TOM1: variants seen among roughly 807,000 people sequenced by gnomAD.
TOM1 encodes target of Myb protein 1.
In TOM1, 38 loss-of-function variants were observed where a neutral mutation model predicts 61.3. That is an observed-to-expected ratio of 0.62 (90% CI 0.48 to 0.81). The LOEUF is 0.81. Ranked by LOEUF, TOM1 falls within the 40% of genes least tolerant of loss-of-function variation. The pLI, the probability that TOM1 is intolerant of heterozygous loss-of-function variation, is 0.00. For missense variants in TOM1, 591 were observed against 659.6 expected, an observed-to-expected ratio of 0.90 and a Z score of 1.14; for synonymous variants, 270 against 268.8, an observed-to-expected ratio of 1.00 and a Z score of -0.04.
At chr22:35,341,091 C>T (rs1263351095) in intron 12 of TOM1, among the ~76,000 whole-genome samples, 1 of 152,236 alleles carries the variant, frequency 6.6e-6, no homozygotes, top group Admixed American at 6.5e-5. Context: ...CGGGTGTAAG[C>T]CATCATTTGC....
chr22:35,323,507 C>A lies in TOM1; in HGVS notation c.378C>A (p.Asp126Glu). The change falls in exon 5 of 15, where the codon GAC (aspartate) becomes GAA (glutamate). Residue 126 changes from aspartate to glutamate, a missense_variant. Transcript: ENST00000449058. This position sits in a 1 kb window ranked among gnomAD's most constrained non-coding sequence, Gnocchi z 4.2. ...KVLNLIQSWADAFRSSPDLTG... is the reference protein window; with the variant it reads ...KVLNLIQSWAEAFRSSPDLTG... ...TTGTCCCCTCTCAGTCCTGGGCTGA[C>A]GCGTTCCGCAGCTCGCCCGATCTGA... The A allele has an allele frequency of 6.2e-7, 1 of 1,614,116 alleles. No individual in the cohort carries two copies. Among genetic ancestry groups the A allele is most frequent in the Non-Finnish European group, 8.5e-7 (1 of 1,180,016 alleles).
At chr22:35,302,600 G>T (rs144462322) in intron 1 of TOM1, among the ~76,000 whole-genome samples, 2,139 of 152,006 alleles carry the variant, frequency 0.014, 20 homozygotes, top group Non-Finnish European at 0.022. Flanking sequence ...CCAAAGTACT[G>T]GGATTACAGG....
intron 2 of TOM1, among the ~76,000 whole-genome samples, chr22:35,320,497 G>C (rs539501722): frequency 9.2e-5 from 14 of 152,086 alleles, no homozygotes; most frequent in African/African-American, 3.1e-4. Context: ...CACACTCAGT[G>C]TGGCCTCCTC....
intron 7 of TOM1, among the ~76,000 whole-genome samples, chr22:35,329,260 T>C (rs945364975): frequency 6.6e-5 from 10 of 152,232 alleles, no homozygotes; most frequent in Non-Finnish European, 1.3e-4. Flanking sequence ...GTAGCCATTT[T>C]TTTTATTTTT....
chr22:35,308,082 G>A (rs1926485277), intron 1 of TOM1, among the ~76,000 whole-genome samples: 1 of 152,096 alleles, frequency 6.6e-6, no homozygotes, highest in African/African-American at 2.4e-5. Context: ...TGGCCAGCAG[G>A]CTCCCCTTGT....
chr22:35,344,016 C>G (rs780621838), intron 12 of TOM1, among the ~76,000 whole-genome samples: 29 of 150,312 alleles, frequency 1.9e-4, no homozygotes, highest in Non-Finnish European at 3.7e-4. Flanking sequence ...CACCTACACA[C>G]ACACCTACAC....
chr22:35,312,118 G>A (rs986874634), intron 1 of TOM1, among the ~76,000 whole-genome samples: 1 of 151,952 alleles, frequency 6.6e-6, no homozygotes, highest in Non-Finnish European at 1.5e-5. Flanking sequence ...TTAGGCGGGC[G>A]CCTGTAATCC....
At chr22:35,325,094 G>A (rs995258972) in intron 6 of TOM1, among the ~76,000 whole-genome samples, 1 of 152,228 alleles carries the variant, frequency 6.6e-6, no homozygotes, top group Non-Finnish European at 1.5e-5. Context: ...TTTGGCTGCT[G>A]GGGTGGGGGC....
chr22:35,319,213 C>T (rs755709789), intron 2 of TOM1, among the ~76,000 whole-genome samples: 4 of 152,148 alleles, frequency 2.6e-5, no homozygotes, highest in Non-Finnish European at 5.9e-5. Context: ...CAAGTCACTG[C>T]AGTATCCTTG....
intron 3 of TOM1, among the ~76,000 whole-genome samples, 189 bp from the exon 4 acceptor site, chr22:35,322,839 C>G (rs1433503820): frequency 1.3e-5 from 2 of 152,192 alleles, no homozygotes; most frequent in East Asian, 3.9e-4. Context: ...TAGGCCGTGC[C>G]CTCCAGTAAA....
chr22:35,340,217 G>A (rs866611172), intron 12 of TOM1, among the ~76,000 whole-genome samples: 1 of 152,204 alleles, frequency 6.6e-6, no homozygotes, highest in Non-Finnish European at 1.5e-5. Flanking sequence ...GGGAGTGAGG[G>A]TGGTGGACCT....
intron 1 of TOM1, 66 bp from the exon 2 acceptor site, chr22:35,317,811 A>C: frequency 8.1e-7 from 1 of 1,241,930 alleles, no homozygotes; most frequent in Non-Finnish European, 1.2e-6. Context: ...CTCCTCTCCC[A>C]CCCACGGTTT....
rs371595266 is a variant in TOM1 at position 35,320,729 on chromosome 22, C to T, written c.138-1230C>T. 5.1e-4 allele frequency among the ~76,000 whole-genome samples: 78 copies of T among 152,258 alleles called. 1 individual carries two copies. In the Middle Eastern group the frequency reaches 0.02, roughly 40 times the overall value. ...ATTCCTTGCTCTTCTTTGGATCTCCCCGCAAGGTGGGGAGGAGGCAGGGCC... is the reference window on the plus strand; with the variant it reads ...ATTCCTTGCTCTTCTTTGGATCTCCTCGCAAGGTGGGGAGGAGGCAGGGCC... On this transcript the variant is annotated intron_variant, in intron 2 of 14. Coordinates refer to ENST00000449058, the MANE Select transcript of TOM1 (RefSeq NM_005488.3).
intron 7 of TOM1, 146 bp downstream of exon 7, chr22:35,327,533 G>C: frequency 1.6e-6 from 1 of 625,276 alleles, no homozygotes; most frequent in Middle Eastern, 4.3e-4. Context: ...CAGGGACTTT[G>C]GACGCCATCA....
chr22:35,308,310 G>C (rs1391881452), intron 1 of TOM1, among the ~76,000 whole-genome samples: 4 of 137,194 alleles, frequency 2.9e-5, no homozygotes, highest in Non-Finnish European at 4.6e-5. Context: ...TTGAGACGGA[G>C]TCTCACTCTG....
At chr22:35,326,336 C>G (rs928744278) in intron 6 of TOM1, among the ~76,000 whole-genome samples, 11 of 152,190 alleles carry the variant, frequency 7.2e-5, no homozygotes, top group Non-Finnish European at 1.3e-4. Context: ...TGCATGAGGG[C>G]ATTAAACACC....
At chr22:35,334,220 G>T in intron 10 of TOM1, 108 bp from the exon 11 acceptor site, 2 of 1,458,646 alleles carry the variant, frequency 1.4e-6, no homozygotes, top group Non-Finnish European at 1.8e-6. Context: ...CCACCCACAC[G>T]TGCCACTTCC....
intron 12 of TOM1, among the ~76,000 whole-genome samples, chr22:35,340,943 G>C (rs969050298): frequency 6.6e-6 from 1 of 152,174 alleles, no homozygotes; most frequent in Non-Finnish European, 1.5e-5. Flanking sequence ...GTGGACAGAG[G>C]TTGACTCTAC....
At position 35,300,511 on chromosome 22, in the gene TOM1, G is replaced by A. The variant is rs59940597; in HGVS notation, c.52+531G>A. Among the ~76,000 whole-genome samples the A allele has an allele frequency of 9.3e-3, 1,413 of 152,364 alleles. 16 individuals are homozygous for A. Among genetic ancestry groups the A allele is most frequent in the African/African-American group, 0.033 (1,361 of 41,592 alleles). On this transcript the variant is annotated intron_variant, in intron 1 of 14. Coordinates refer to ENST00000449058, the MANE Select transcript of TOM1 (RefSeq NM_005488.3). ...GGACAGCCCGCGGCCAGGCCTCACA[G>A]ACCCGGGTCTCAGGACGTGTCCGCC...
Sources: gnomAD v4.1 joint callset for allele counts (sites outside exome capture counted in the v4.1 genomes callset) on GRCh38, gnomAD v4.1.1 for gene constraint, Gnocchi (gnomAD v3.1) non-coding constraint, MANE v1.5 for transcripts, NCBI Gene and HGNC (gene_info 2026-07-23, HGNC 2026-07-21) for gene names.